SVOP: variants seen among roughly 807,000 people sequenced by gnomAD.
The protein encoded by SVOP is SV2 related protein.
Under a neutral mutation model 69.1 loss-of-function variants are expected in SVOP, and 17 were observed. That is an observed-to-expected ratio of 0.25 (90% confidence interval 0.17 to 0.37). SVOP has a LOEUF of 0.37. SVOP is among the 10% of genes least tolerant of loss of function. The probability of loss-of-function intolerance (pLI) is 1.00; values close to 1 mark genes in which losing one functional copy is unlikely to be tolerated. For synonymous variants in SVOP, 238 were observed against 238.6 expected (o/e 1.00, Z 0.02); for missense variants, 435 against 597.5 (o/e 0.73, Z 2.84).
intron 7 of SVOP, among the ~76,000 whole-genome samples, chr12:108,943,842 C>G (rs36178586): frequency 6.9e-6 from 1 of 144,624 alleles, no homozygotes; most frequent in African/African-American, 2.8e-5. Flanking sequence ...TCCTCCTCCT[C>G]CTTCTTCTCC....
chr12:108,917,775 T>C (rs2039722944), intron 14 of SVOP, among the ~76,000 whole-genome samples: 1 of 152,086 alleles, frequency 6.6e-6, no homozygotes, highest in African/African-American at 2.4e-5. Flanking sequence ...TCTGAGTAGC[T>C]GGAACTACAG....
chr12:108,935,141 C>T (rs536165201), intron 10 of SVOP, among the ~76,000 whole-genome samples: 2 of 152,316 alleles, frequency 1.3e-5, no homozygotes, highest in South Asian at 4.1e-4. Flanking sequence ...TGGAAGAAAA[C>T]AGCCCCATTA....
intron 7 of SVOP, among the ~76,000 whole-genome samples, chr12:108,943,190 C>T (rs1255447390): frequency 6.6e-6 from 1 of 152,146 alleles, no homozygotes; most frequent in Non-Finnish European, 1.5e-5. Flanking sequence ...CTGGAGCCCC[C>T]AAGAACCTTC....
chr12:109,014,128 G>C (rs1412191006), intron 1 of SVOP, among the ~76,000 whole-genome samples: 1 of 150,272 alleles, frequency 6.7e-6, no homozygotes, highest in Non-Finnish European at 1.5e-5. Flanking sequence ...CGATTCTCGT[G>C]CCTCAGCCTC....
chr12:108,961,876 T>C (rs1024809655), intron 5 of SVOP, among the ~76,000 whole-genome samples: 2 of 152,206 alleles, frequency 1.3e-5, no homozygotes, highest in African/African-American at 4.8e-5. Context: ...TTCTTTCTTT[T>C]TCTCATTAAC....
rs558534992 is a variant in SVOP, at chr12:108,972,481, G to A, written c.382-5C>T. 3 of 1,537,000 alleles carry A rather than the reference G, an allele frequency of 2.0e-6. No individual in the cohort carries two copies. Among genetic ancestry groups the A allele is most frequent in the Admixed American group, 2.0e-5 (1 of 50,974 alleles). On this transcript the variant is annotated splice_region_variant and splice_polypyrimidine_tract_variant and intron_variant, in intron 4 of 15. Coordinates refer to ENST00000610966, the MANE Select transcript of SVOP (RefSeq NM_018711.5). ...CATCATGCCTACAAAGACCACCTGT[G>A]GGGGGAAAGACAGTTGTCATTAGAC...
At chr12:108,960,852 C>T (rs928880234) in intron 6 of SVOP, 71 bp downstream of exon 6, 18 of 1,506,028 alleles carry the variant, frequency 1.2e-5, no homozygotes, top group Non-Finnish European at 1.4e-5. Context: ...CCCCTAACTC[C>T]TGATCCAGAC....
In SVOP at chr12:108,972,391, T is replaced by A; in HGVS notation, c.453+14A>T. The stretch of plus-strand genomic sequence containing the variant: ...CCCAGAGGACATGCGTTTAGAAGAG[T>A]AAGTTTGCCTTACTGTTTTCCTGCC... On this transcript the variant is annotated intron_variant, in intron 5 of 15. Transcript: ENST00000610966. 6.5e-7 allele frequency: 1 copy of A among 1,536,706 alleles called. No homozygotes were observed. Among genetic ancestry groups the A allele is most frequent in the East Asian group, 2.4e-5 (1 of 40,894 alleles).
At chr12:109,005,254 C>A (rs2040299483) in intron 1 of SVOP, among the ~76,000 whole-genome samples, 1 of 152,162 alleles carries the variant, frequency 6.6e-6, no homozygotes, top group East Asian at 1.9e-4. Flanking sequence ...GAATCCCCTA[C>A]CCACACCATT....
chr12:108,945,208 C>T, intron 6 of SVOP, 42 bp from the exon 7 acceptor site: 1 of 1,530,598 alleles, frequency 6.5e-7, no homozygotes, highest in Non-Finnish European at 8.8e-7. Context: ...AAGATCAGAA[C>T]TGGGTGGGAA....
chr12:108,961,508 A>G (rs2040017758), intron 5 of SVOP, among the ~76,000 whole-genome samples: 1 of 151,062 alleles, frequency 6.6e-6, no homozygotes, highest in African/African-American at 2.4e-5. Context: ...TCAAAAGAAA[A>G]TTTACTTTGT....
chr12:109,010,007 CA>C (rs2040331644), intron 1 of SVOP, among the ~76,000 whole-genome samples: 1 of 151,284 alleles, frequency 6.6e-6, no homozygotes, highest in Non-Finnish European at 1.5e-5. Flanking sequence ...CCTTTAAGCC[CA>C]GCACTTTGGA....
intron 1 of SVOP, among the ~76,000 whole-genome samples, chr12:108,989,578 A>G (rs1294477922): frequency 1.3e-5 from 2 of 152,088 alleles, no homozygotes; most frequent in Non-Finnish European, 2.9e-5. Context: ...ACACCCTCAT[A>G]TGAGTCAGTC....
intron 15 of SVOP, among the ~76,000 whole-genome samples, chr12:108,914,296 C>A (rs79888757): frequency 1.1e-3 from 170 of 152,242 alleles, no homozygotes; most frequent in African/African-American, 3.9e-3. Flanking sequence ...GGTTGCCCAA[C>A]GCTGTGAATG....
At chr12:108,965,058 C>T (rs953285416) in intron 5 of SVOP, among the ~76,000 whole-genome samples, 11 of 152,332 alleles carry the variant, frequency 7.2e-5, no homozygotes, top group African/African-American at 2.6e-4. Context: ...TCCATTCATG[C>T]ATAAAATATG....
At chr12:108,958,459 C>T (rs140391973) in intron 6 of SVOP, among the ~76,000 whole-genome samples, 6,883 of 152,138 alleles carry the variant, frequency 0.045, 571 homozygotes, top group African/African-American at 0.16. Context: ...TAGGCTATAC[C>T]GTATAGCCTA....
chr12:108,985,776 TA>T (rs1041016443), intron 1 of SVOP, among the ~76,000 whole-genome samples: 3 of 151,918 alleles, frequency 2.0e-5, no homozygotes, highest in East Asian at 1.9e-4. Flanking sequence ...TTTTAAAAGG[TA>T]AAAAAAAGAG....
intron 1 of SVOP, among the ~76,000 whole-genome samples, chr12:109,001,089 A>G (rs1055660631): frequency 1.2e-4 from 18 of 150,830 alleles, no homozygotes; most frequent in African/African-American, 3.9e-4. Flanking sequence ...AAATCTCCTT[A>G]AGCTGATAAG....
At chr12:109,002,831 A>C in intron 1 of SVOP, among the ~76,000 whole-genome samples, 1 of 118,420 alleles carries the variant, frequency 8.4e-6, no homozygotes, top group Non-Finnish European at 1.7e-5. Context: ...GGGGGGAGGG[A>C]TAGCATTGGG....
Sources: gnomAD v4.1 joint callset for allele counts (sites outside exome capture counted in the v4.1 genomes callset) on GRCh38, gnomAD v4.1.1 for gene constraint, MANE v1.5 for transcripts, NCBI Gene and HGNC (gene_info 2026-07-23, HGNC 2026-07-21) for gene names.